Variants in FABP12 observed in about 807,000 individuals in gnomAD.
FABP12 encodes the protein fatty acid binding protein 12.
In FABP12, 19 loss-of-function variants were observed where a neutral mutation model predicts 13.7. The observed-to-expected ratio is 1.39, with a 90% CI of 0.97 to 2.04. The LOEUF (loss-of-function observed/expected upper bound fraction) is 2.04, where lower values mean the gene tolerates loss of function less well. Ranked by LOEUF, FABP12 falls within the 30% of genes most tolerant of loss-of-function variation. FABP12 has a pLI of 0.00. For synonymous variants in FABP12, 61 were observed against 57.0 expected, an observed-to-expected ratio of 1.07 and a Z score of -0.32; for missense variants, 182 against 164.2, an observed-to-expected ratio of 1.11 and a Z score of -0.59.
At chr8:81,537,731 C>A (rs570272811), upstream of FABP12, among the ~76,000 whole-genome samples, 1 of 152,202 alleles carries the variant, frequency 6.6e-6, no homozygotes, top group East Asian at 1.9e-4. Context: ...GGTGTTTCTG[C>A]CTTGGTGCTG....
intron 1 of FABP12, among the ~76,000 whole-genome samples, chr8:81,532,695 C>T (rs1044074897): frequency 3.3e-5 from 5 of 152,208 alleles, no homozygotes; most frequent in African/African-American, 1.2e-4. Flanking sequence ...GTGCAACGCA[C>T]CTGTAGTCCC....
chr8:81,549,978 T>C (rs73277223), intron 1 of FABP12, among the ~76,000 whole-genome samples: 11,239 of 152,300 alleles, frequency 0.074, 542 homozygotes, highest in East Asian at 0.16. Context: ...AAATTATCTA[T>C]GCTTATTATA....
intron 1 of FABP12, among the ~76,000 whole-genome samples, chr8:81,556,693 C>G (rs1809622198): frequency 6.7e-6 from 1 of 148,710 alleles, no homozygotes; most frequent in African/African-American, 2.4e-5. Context: ...TAACATCACA[C>G]ATATGTGGCT....
chr8:81,525,325 G>A (rs1220251410), intron 4 of FABP12, among the ~76,000 whole-genome samples: 1 of 152,096 alleles, frequency 6.6e-6, no homozygotes, highest in Non-Finnish European at 1.5e-5. Flanking sequence ...AGACCAGCCT[G>A]GCCAACACGG....
At chr8:81,565,447 G>T (rs1029308922) in intron 1 of FABP12, among the ~76,000 whole-genome samples, 32 of 151,884 alleles carry the variant, frequency 2.1e-4, no homozygotes, top group Non-Finnish European at 4.0e-4. Context: ...ATAAAACAAG[G>T]CTCTAAAAAT....
chr8:81,558,687 C>T (rs570664255), intron 1 of FABP12, among the ~76,000 whole-genome samples: 1 of 151,888 alleles, frequency 6.6e-6, no homozygotes, highest in African/African-American at 2.4e-5. Context: ...GTCAGGAGTT[C>T]GAGACCAGCC....
At chr8:81,579,736 T>C (rs189121463) in intron 1 of FABP12, among the ~76,000 whole-genome samples, 60 of 152,368 alleles carry the variant, frequency 3.9e-4, no homozygotes, top group South Asian at 2.3e-3. Flanking sequence ...ATTTTACAAA[T>C]AAATGTTTTG....
intron 1 of FABP12, among the ~76,000 whole-genome samples, chr8:81,578,587 G>A (rs1205785399): frequency 2.7e-5 from 4 of 150,624 alleles, no homozygotes; most frequent in African/African-American, 9.8e-5. Flanking sequence ...CCAGGTTCAA[G>A]CGATTCTCCT....
At chr8:81,540,125 AG>A (rs1369786454) in intron 1 of FABP12, among the ~76,000 whole-genome samples, 1 of 152,242 alleles carries the variant, frequency 6.6e-6, no homozygotes, top group Non-Finnish European at 1.5e-5. Context: ...TAGTTCTCAA[AG>A]TGTGGGCTTT....
upstream of FABP12, among the ~76,000 whole-genome samples, chr8:81,535,285 C>T (rs1809194988): frequency 1.3e-5 from 2 of 152,154 alleles, no homozygotes; most frequent in South Asian, 2.1e-4. Flanking sequence ...TTCCTCACTC[C>T]TCCCCTGCCA....
chr8:81,568,476 T>G (rs1809868300), intron 1 of FABP12, among the ~76,000 whole-genome samples: 1 of 152,162 alleles, frequency 6.6e-6, no homozygotes, highest in Non-Finnish European at 1.5e-5. Context: ...AGACAGGCAA[T>G]AACAAATGCT....
chr8:81,528,297 G>A (rs879607171), intron 3 of FABP12, among the ~76,000 whole-genome samples: 5 of 151,924 alleles, frequency 3.3e-5, no homozygotes, highest in Non-Finnish European at 5.9e-5. Context: ...CAGGCTGGTC[G>A]TAGACTCCTG....
chr8:81,525,327 C>G (rs1489650337), intron 4 of FABP12, among the ~76,000 whole-genome samples: 1 of 152,078 alleles, frequency 6.6e-6, no homozygotes, highest in African/African-American at 2.4e-5. Flanking sequence ...ACCAGCCTGG[C>G]CAACACGGTG....
At chr8:81,578,709 C>A (rs1210219780) in intron 1 of FABP12, among the ~76,000 whole-genome samples, 1 of 150,840 alleles carries the variant, frequency 6.6e-6, no homozygotes, top group African/African-American at 2.5e-5. Context: ...TGGTCTTGAT[C>A]TCTTGACCTT....
At chr8:81,527,290 A>C (rs902063246) in intron 3 of FABP12, among the ~76,000 whole-genome samples, 169 bp from the exon 4 acceptor site, 5 of 152,188 alleles carry the variant, frequency 3.3e-5, no homozygotes, top group African/African-American at 9.7e-5. Flanking sequence ...TTGTTGCCTA[A>C]TTCTGCTGAA....
chr8:81,589,815 G>GTC (rs1240969476), intron 1 of FABP12, among the ~76,000 whole-genome samples: 1 of 152,150 alleles, frequency 6.6e-6, no homozygotes. Context: ...GCTCTGAGTG[G>GTC]TCTCTCTCTA....
At chr8:81,589,443 G>A (rs2130118494) in intron 1 of FABP12, among the ~76,000 whole-genome samples, 1 of 152,044 alleles carries the variant, frequency 6.6e-6, no homozygotes, top group East Asian at 1.9e-4. Flanking sequence ...CTCTCCAGCT[G>A]ACAAAAACAC....
intron 1 of FABP12, among the ~76,000 whole-genome samples, chr8:81,545,345 C>T (rs140992000): frequency 9.2e-5 from 14 of 152,242 alleles, no homozygotes; most frequent in African/African-American, 3.4e-4. Flanking sequence ...TAGAGAGGGA[C>T]ATGATTGGAC....
chr8:81,556,479 T>A (rs1327472437), intron 1 of FABP12, among the ~76,000 whole-genome samples: 1 of 152,144 alleles, frequency 6.6e-6, no homozygotes, highest in Admixed American at 6.6e-5. Flanking sequence ...GTACTTCTTC[T>A]TATAGCATAT....
Sources: allele counts gnomAD v4.1 joint callset (sites outside exome capture counted in the v4.1 genomes callset), GRCh38; gene constraint gnomAD v4.1.1; transcripts MANE v1.5; gene names NCBI Gene and HGNC (gene_info 2026-07-23, HGNC 2026-07-21).